PDE7B: variants seen among roughly 807,000 people sequenced by gnomAD.
PDE7B encodes phosphodiesterase 7B.
A neutral mutation model predicts 56.2 loss-of-function variants in PDE7B; 29 were observed. That is an observed-to-expected ratio of 0.52 (90% CI 0.38 to 0.70). The LOEUF (loss-of-function observed/expected upper bound fraction) is 0.70, where lower values mean the gene tolerates loss of function less well. PDE7B is among the 30% of genes least tolerant of loss of function. PDE7B has a pLI of 0.00. For synonymous variants in PDE7B, 197 were observed against 196.9 expected (o/e 1.00, Z 0.00); for missense variants, 490 against 565.0 (o/e 0.87, Z 1.35).
At chr6:135,934,328 C>G (rs761439013) in intron 1 of PDE7B, among the ~76,000 whole-genome samples, 2 of 152,104 alleles carry the variant, frequency 1.3e-5, no homozygotes, top group Non-Finnish European at 2.9e-5. Flanking sequence ...GGTATTCCCT[C>G]CATTTACAGG....
At chr6:136,154,027 C>T in intron 6 of PDE7B, 48 bp from the exon 7 acceptor site, 3 of 1,242,618 alleles carry the variant, frequency 2.4e-6, no homozygotes, top group Non-Finnish European at 3.5e-6. Flanking sequence ...GCTAGTATAC[C>T]ACTCCTATTT....
intron 2 of PDE7B, chr6:136,047,439 T>G (rs755800721): frequency 4.6e-5 from 7 of 152,238 alleles, no homozygotes; most frequent in Non-Finnish European, 1.0e-4. Context: ...ATGTGCTAAT[T>G]GGAAATTCTG....
At chr6:136,068,685 C>T (rs1403320817) in intron 2 of PDE7B, among the ~76,000 whole-genome samples, 6 of 152,130 alleles carry the variant, frequency 3.9e-5, no homozygotes, top group African/African-American at 1.4e-4. Flanking sequence ...CCCGCCTCGG[C>T]CTCCCAAAGT....
At chr6:136,121,856 G>A (rs1777939363) in intron 3 of PDE7B, among the ~76,000 whole-genome samples, 2 of 152,208 alleles carry the variant, frequency 1.3e-5, no homozygotes, top group African/African-American at 4.8e-5. Flanking sequence ...CTCAGATTCT[G>A]CGGTGAATGT....
chr6:135,945,753 T>TTAAGGG (rs1774586736), intron 1 of PDE7B, among the ~76,000 whole-genome samples: 4 of 152,124 alleles, frequency 2.6e-5, no homozygotes, highest in Non-Finnish European at 5.9e-5. Context: ...TCATCTTCGG[T>TTAAGGG]CTCCTTAAGG....
chr6:136,046,182 G>GAAGTCAGGTAAGGTCACTACAAAGAAAC (rs1776503712), intron 2 of PDE7B: 2 of 152,222 alleles, frequency 1.3e-5, no homozygotes, highest in Non-Finnish European at 2.9e-5. Flanking sequence ...CCAGGAAAAG[G>GAAGTCAGGTAAGGTCACTACAAAGAAAC]AAGTCAGGTA....
intron 2 of PDE7B, among the ~76,000 whole-genome samples, chr6:136,043,575 CA>C (rs34337621): frequency 0.24 from 25,157 of 106,502 alleles, 2,484 homozygotes; most frequent in East Asian, 0.37. Flanking sequence ...GACATAATAG[CA>C]AAAAAAAAAA....
At chr6:135,957,149 C>G (rs1414559983) in intron 2 of PDE7B, among the ~76,000 whole-genome samples, 1 of 152,102 alleles carries the variant, frequency 6.6e-6, no homozygotes, top group Non-Finnish European at 1.5e-5. Flanking sequence ...GACAGGTGTG[C>G]CTGGGTCCGG....
chr6:136,102,424 T>C (rs1183110677), intron 2 of PDE7B, among the ~76,000 whole-genome samples: 2 of 152,210 alleles, frequency 1.3e-5, no homozygotes, highest in African/African-American at 4.8e-5. Context: ...CAACGAACTT[T>C]GCTTGGTGGA....
chr6:136,063,663 C>G (rs1776883988), intron 2 of PDE7B, among the ~76,000 whole-genome samples: 1 of 152,202 alleles, frequency 6.6e-6, no homozygotes, highest in African/African-American at 2.4e-5. Flanking sequence ...ATAAGGCAGC[C>G]CCGCCCCTAC....
intron 2 of PDE7B, among the ~76,000 whole-genome samples, chr6:136,074,248 G>A (rs1436443782): frequency 6.6e-6 from 1 of 151,402 alleles, no homozygotes; most frequent in Non-Finnish European, 1.5e-5. Flanking sequence ...AAAAAAGGCG[G>A]GGGGGATTTG....
At chr6:135,930,712 T>C (rs576513099) in intron 1 of PDE7B, among the ~76,000 whole-genome samples, 63 of 152,306 alleles carry the variant, frequency 4.1e-4, no homozygotes, top group African/African-American at 1.4e-3. Context: ...GTTGTGCAGC[T>C]GAGCTGGAAA....
At chr6:136,079,484 G>T (rs1224790402) in intron 2 of PDE7B, among the ~76,000 whole-genome samples, 1 of 152,090 alleles carries the variant, frequency 6.6e-6, no homozygotes, top group Non-Finnish European at 1.5e-5. Flanking sequence ...CATATGGCTG[G>T]TGGCTACTGT....
At chr6:136,130,931 C>T (rs543124281) in intron 3 of PDE7B, among the ~76,000 whole-genome samples, 2 of 152,284 alleles carry the variant, frequency 1.3e-5, no homozygotes, top group East Asian at 3.9e-4. Flanking sequence ...ACCATGAGAA[C>T]AGTATGGGGA....
chr6:135,879,628 T>C (rs1040036070), intron 1 of PDE7B, among the ~76,000 whole-genome samples: 4 of 152,166 alleles, frequency 2.6e-5, no homozygotes, highest in African/African-American at 7.2e-5. Context: ...TTGCTAAATG[T>C]TGATGCAAGA....
intron 2 of PDE7B, among the ~76,000 whole-genome samples, chr6:136,020,988 G>A (rs752417096): frequency 3.3e-5 from 5 of 152,132 alleles, no homozygotes; most frequent in Non-Finnish European, 5.9e-5. Flanking sequence ...CAAGAGCTAC[G>A]TCTTTCTGAT....
intron 3 of PDE7B, among the ~76,000 whole-genome samples, chr6:136,138,247 A>G (rs1778249924): frequency 6.6e-6 from 1 of 152,150 alleles, no homozygotes; most frequent in African/African-American, 2.4e-5. Context: ...TCAATACATT[A>G]TCAAAGTAAA....
At position 135,926,231 on chromosome 6, in the gene PDE7B, C is replaced by T. The variant is rs1220189099; in HGVS notation, c.22-21233C>T. 7.9e-5 allele frequency among the ~76,000 whole-genome samples: 12 copies of T among 151,854 alleles called. No individual in the cohort carries two copies. The South Asian group carries it at 1.9e-3, about 24-fold the overall frequency. On this transcript the variant is annotated intron_variant, in intron 1 of 12. Transcript: ENST00000308191. ...CCTCCCGAGCAGCTGGGACTACAGG[C>T]ACCCGCCACCACGCCCAGCTAATTT...
intron 2 of PDE7B, among the ~76,000 whole-genome samples, chr6:136,005,601 A>G (rs1479232183): frequency 6.6e-6 from 1 of 152,266 alleles, no homozygotes; most frequent in Non-Finnish European, 1.5e-5. Context: ...AACACATGAA[A>G]AAATGCTCAC....
Sources: gnomAD v4.1 joint callset for allele counts (sites outside exome capture counted in the v4.1 genomes callset) on GRCh38, gnomAD v4.1.1 for gene constraint, MANE v1.5 for transcripts, NCBI Gene and HGNC (gene_info 2026-07-23, HGNC 2026-07-21) for gene names.